CLMN: variants seen among roughly 807,000 people sequenced by gnomAD.
The protein encoded by CLMN is calmin.
In CLMN, 57 loss-of-function variants were observed where a neutral mutation model predicts 92.7. The observed-to-expected ratio is 0.61, with a 90% CI of 0.50 to 0.77. The LOEUF (loss-of-function observed/expected upper bound fraction) is 0.77. CLMN is among the 30% of genes least tolerant of loss of function. CLMN has a pLI of 0.00. For synonymous variants in CLMN, 466 were observed against 470.6 expected (o/e 0.99, Z 0.13); for missense variants, 1,158 against 1,237.5 (o/e 0.94, Z 0.96).
rs1897039204 is a variant in CLMN, at chr14:95,206,076, C to A, written c.886-1613G>T. Among the ~76,000 whole-genome samples, 4 of 152,038 alleles carry A rather than the reference C, an allele frequency of 2.6e-5. No homozygotes were observed. In the South Asian group the frequency reaches 8.3e-4, roughly 31 times the overall value. On this transcript the variant is annotated intron_variant, in intron 8 of 12. Coordinates refer to ENST00000298912, the MANE Select transcript of CLMN (RefSeq NM_024734.4). ...TACTTTAAATATAAGTGTACATACA[C>A]TGAAAGGAAAAAAATGGAAAAAGTT...
intron 1 of CLMN, among the ~76,000 whole-genome samples, chr14:95,249,613 A>G (rs1898704388): frequency 6.6e-6 from 1 of 150,734 alleles, no homozygotes; most frequent in South Asian, 2.1e-4. Context: ...TTTTTTTGAG[A>G]TGGAGTCTCC....
At chr14:95,288,302 C>T (rs757659985) in intron 1 of CLMN, among the ~76,000 whole-genome samples, 2 of 152,164 alleles carry the variant, frequency 1.3e-5, no homozygotes, top group Admixed American at 6.5e-5. Flanking sequence ...CCTGGGAGGG[C>T]ACCTAATGAG....
intron 1 of CLMN, among the ~76,000 whole-genome samples, chr14:95,234,194 G>A (rs1175337090): frequency 6.6e-6 from 1 of 152,140 alleles, no homozygotes; most frequent in Non-Finnish European, 1.5e-5. Context: ...TCCCTCACAG[G>A]AATGCTACGG....
At chr14:95,232,688 G>A (rs935900823) in intron 1 of CLMN, among the ~76,000 whole-genome samples, 2 of 152,214 alleles carry the variant, frequency 1.3e-5, no homozygotes, top group African/African-American at 4.8e-5. Flanking sequence ...ATGAGGTTGG[G>A]AGGAGACATG....
intron 1 of CLMN, among the ~76,000 whole-genome samples, chr14:95,305,626 C>G (rs550326431): frequency 6.6e-6 from 1 of 152,156 alleles, no homozygotes; most frequent in Non-Finnish European, 1.5e-5. Context: ...AACCAAGGAA[C>G]AGAAATCATA....
chr14:95,204,603 GA>G, intron 8 of CLMN, 140 bp from the exon 9 acceptor site: 2 of 785,672 alleles, frequency 2.5e-6, no homozygotes, highest in Non-Finnish European at 3.8e-6. Context: ...AACAAAAATG[GA>G]AAAAGCCACT....
chr14:95,195,612 A>G (rs1287566134), intron 10 of CLMN, among the ~76,000 whole-genome samples: 1 of 152,240 alleles, frequency 6.6e-6, no homozygotes, highest in Non-Finnish European at 1.5e-5. Context: ...AGAATGTGGA[A>G]TGTGGAGTGG....
intron 3 of CLMN, among the ~76,000 whole-genome samples, chr14:95,222,074 A>G (rs1441825940): frequency 6.6e-6 from 1 of 152,038 alleles, no homozygotes; most frequent in Non-Finnish European, 1.5e-5. Context: ...AAATTTGTCA[A>G]TTTTTTTCTC....
chr14:95,295,864 C>A (rs1361456933), intron 1 of CLMN, among the ~76,000 whole-genome samples: 1 of 152,244 alleles, frequency 6.6e-6, no homozygotes, highest in East Asian at 1.9e-4. Flanking sequence ...CTTCATTGTT[C>A]ATCTCCTCAG....
chr14:95,276,159 T>A (rs994510109), intron 1 of CLMN, among the ~76,000 whole-genome samples: 1 of 152,194 alleles, frequency 6.6e-6, no homozygotes, highest in African/African-American at 2.4e-5. Context: ...GCAGTCCCAA[T>A]TAGCCAACTT....
Position 95,210,938 on chromosome 14 carries a change from C to T in CLMN, c.609-59G>A, listed in dbSNP as rs1053480461. ...TGGTTAGTAAACAGACTCAAAGGTG[C>T]AAGGTCAGCATGCAGCAGCCGCGTG... On this transcript the variant is annotated intron_variant, in intron 6 of 12. Transcript: ENST00000298912. 64 of 1,465,830 alleles carry T rather than the reference C, an allele frequency of 4.4e-5. 1 individual carries two copies. Among genetic ancestry groups the T allele is most frequent in the Middle Eastern group, 4.7e-4 (2 of 4,258 alleles). 90.8% of individuals were successfully genotyped at this position (1,465,830 alleles called of 1,614,324 possible).
At chr14:95,319,586 G>T in intron 1 of CLMN, 125 bp downstream of exon 1, 3 of 777,458 alleles carry the variant, frequency 3.9e-6, no homozygotes, top group Non-Finnish European at 5.9e-6. Context: ...CCACCTCGAG[G>T]CAAGTGACAG....
At position 95,319,802 on chromosome 14, in the gene CLMN, G is replaced by A; in HGVS notation, c.-10C>T. 1 of 1,518,902 alleles carries A rather than the reference G, an allele frequency of 6.6e-7. No homozygotes were observed. Among genetic ancestry groups the A allele is most frequent in the Non-Finnish European group, 8.8e-7 (1 of 1,136,028 alleles). 94.1% of individuals were successfully genotyped at this position (1,518,902 alleles called of 1,614,324 possible). Reference sequence around the variant, plus strand: ...ACTCGTGTGCAGCCATGAAGCGCGGGCGGGAGAGCCCGGGCCAGCGCGGCG... The same window carrying A: ...ACTCGTGTGCAGCCATGAAGCGCGGACGGGAGAGCCCGGGCCAGCGCGGCG... On this transcript the variant is annotated 5_prime_UTR_variant, in exon 1 of 13. Coordinates refer to ENST00000298912, the MANE Select transcript of CLMN (RefSeq NM_024734.4).
At chr14:95,282,952 AG>A (rs1900195287) in intron 1 of CLMN, among the ~76,000 whole-genome samples, 1 of 152,190 alleles carries the variant, frequency 6.6e-6, no homozygotes, top group Non-Finnish European at 1.5e-5. Context: ...AGGACTGGGG[AG>A]GGGGAGGGAC....
At chr14:95,315,553 C>T (rs1045168497) in intron 1 of CLMN, among the ~76,000 whole-genome samples, 3 of 152,242 alleles carry the variant, frequency 2.0e-5, no homozygotes, top group South Asian at 2.1e-4. Flanking sequence ...AAGTGGGCCA[C>T]ATGGGCCGGG....
intron 9 of CLMN, among the ~76,000 whole-genome samples, chr14:95,201,229 T>C (rs1896870434): frequency 6.6e-6 from 1 of 151,844 alleles, no homozygotes; most frequent in African/African-American, 2.4e-5. Context: ...GGGGGGTTCA[T>C]GTGCAAGTTT....
At chr14:95,274,566 C>T (rs1467726433) in intron 1 of CLMN, among the ~76,000 whole-genome samples, 7 of 152,158 alleles carry the variant, frequency 4.6e-5, no homozygotes, top group African/African-American at 1.4e-4. Context: ...AGAAGGGAAG[C>T]GTCCCCAAAG....
chr14:95,319,138 G>A (rs1009634666), intron 1 of CLMN, among the ~76,000 whole-genome samples: 3 of 152,162 alleles, frequency 2.0e-5, no homozygotes, highest in East Asian at 1.9e-4. Flanking sequence ...TGATCCTGCA[G>A]GGGAGGGGCA....
Position 95,248,331 on chromosome 14 carries a change from A to G in CLMN, c.83-18198T>C, listed in dbSNP as rs76456491. ...GAATTGGGAAATTTTAAATAAACCAATGAATGTTAAAAACAGCAACATAGA... is the reference window on the plus strand; with the variant it reads ...GAATTGGGAAATTTTAAATAAACCAGTGAATGTTAAAAACAGCAACATAGA... On this transcript the variant is annotated intron_variant, in intron 1 of 12. Transcript: ENST00000298912. Among the ~76,000 whole-genome samples the G allele has an allele frequency of 1.6e-3, 248 of 152,370 alleles. 2 individuals carry two copies. The highest frequency in any genetic ancestry group is 3.1e-3 in the Non-Finnish European group (209 of 68,034).
Sources: allele counts gnomAD v4.1 joint callset (sites outside exome capture counted in the v4.1 genomes callset), GRCh38; gene constraint gnomAD v4.1.1; transcripts MANE v1.5; gene names NCBI Gene and HGNC (gene_info 2026-07-23, HGNC 2026-07-21).